KLHL26: variants seen among roughly 807,000 people sequenced by gnomAD.
KLHL26 encodes the protein kelch like family member 26.
KLHL26 carries 4 observed loss-of-function variants against 7.1 expected under a neutral mutation model. The observed-to-expected ratio is 0.56, with a 90% confidence interval of 0.28 to 1.28. The LOEUF is 1.28. Ranked by LOEUF, KLHL26 falls within the 50% of genes most tolerant of loss-of-function variation. The pLI is 0.11. For synonymous variants in KLHL26, 465 were observed against 414.1 expected (o/e 1.12, Z -1.49); for missense variants, 896 against 924.6 (o/e 0.97, Z 0.40).
Position 18,664,434 on chromosome 19 carries a change from A to G in KLHL26, c.257A>G (p.Asp86Gly). The G allele has an allele frequency of 6.3e-7, 1 of 1,583,746 alleles. No individual in the cohort carries two copies. Among genetic ancestry groups the G allele is most frequent in the South Asian group, 1.1e-5 (1 of 88,498 alleles). ...AHKVVLAACSDYFRAMFTGGM... is the reference protein window; with the variant it reads ...AHKVVLAACSGYFRAMFTGGM... ...AAGGTCGTCCTGGCTGCCTGCAGCG[A>G]CTACTTCAGGTAAGTGCTGGCCCCA... The change falls in exon 2 of 3, where the codon GAC becomes GGC. Residue 86 changes from aspartate (D) to glycine (G), a missense_variant. Coordinates refer to ENST00000300976, the MANE Select transcript of KLHL26 (RefSeq NM_018316.3).
rs561744002 is a variant in KLHL26, at chr19:18,651,231, C to T, written c.84-13030C>T. On this transcript the variant is annotated intron_variant, in intron 1 of 2. Transcript: ENST00000300976. ...CCCACCTGGTAGAAAGGGGACCTCACCTTGCCACTCCACTAGCCTGCCAAC... is the reference window on the plus strand; with the variant it reads ...CCCACCTGGTAGAAAGGGGACCTCATCTTGCCACTCCACTAGCCTGCCAAC... Among the ~76,000 whole-genome samples, 5 of 152,296 alleles carry T rather than the reference C, an allele frequency of 3.3e-5. No individual in the cohort carries two copies. In the South Asian group the frequency reaches 1.0e-3, roughly 32 times the overall value.
chr19:18,647,951 A>G (rs1462570084), intron 1 of KLHL26, among the ~76,000 whole-genome samples: 5 of 152,152 alleles, frequency 3.3e-5, no homozygotes, highest in African/African-American at 1.2e-4. Flanking sequence ...GACCCTGCCC[A>G]TGGGGCGCAT....
In KLHL26 at chr19:18,639,403, G is replaced by GTTTTTTT. The variant is rs34034254; in HGVS notation, c.83+2286_83+2292dup. On this transcript the variant is annotated intron_variant, in intron 1 of 2. Coordinates refer to ENST00000300976, the MANE Select transcript of KLHL26 (RefSeq NM_018316.3). ...TTCACTCATTTTAATTTATCATTAA[G>GTTTTTTT]TTTTTTTTTTTTTTTTTTTTTTTTT... Among the ~76,000 whole-genome samples, 384 of 71,228 alleles carry GTTTTTTT rather than the reference G, an allele frequency of 5.4e-3. 22 individuals carry two copies. The highest frequency in any genetic ancestry group is 8.8e-3 in the Non-Finnish European group (335 of 38,166). The allele number at this position is 71,228 out of a possible 152,430, so 46.7% of individuals were successfully genotyped here. A position where few individuals can be genotyped will look rare whatever the true frequency, so the allele number is the denominator to read the frequency against.
In KLHL26 at chr19:18,656,662, C is replaced by G. The variant is rs903657233; in HGVS notation, c.84-7599C>G. On this transcript the variant is annotated intron_variant, in intron 1 of 2. Transcript: ENST00000300976. This position sits in a 1 kb window ranked among gnomAD's most constrained non-coding sequence, Gnocchi z 4.4. ...CAGGACGCTGTGTGAGTTGGGCCAACAGGCGCAACTCACGGCGAGCCCTGT... is the reference window on the plus strand; with the variant it reads ...CAGGACGCTGTGTGAGTTGGGCCAAGAGGCGCAACTCACGGCGAGCCCTGT... Among the ~76,000 whole-genome samples, 31 of 147,092 alleles carry G rather than the reference C, an allele frequency of 2.1e-4. No homozygotes were observed. The highest frequency in any genetic ancestry group is 7.0e-4 in the African/African-American group (28 of 39,884).
At chr19:18,663,172 C>T (rs68074367) in intron 1 of KLHL26, among the ~76,000 whole-genome samples, 18,622 of 152,234 alleles carry the variant, frequency 0.12, 1,241 homozygotes, top group Non-Finnish European at 0.14. Flanking sequence ...TGTCCCCACC[C>T]TCTAGGACAT....
Position 18,668,570 on chromosome 19 carries a change from T to C in KLHL26, c.1173T>C (p.Asn391=), listed in dbSNP as rs552310811. The C allele has an allele frequency of 6.3e-7, 1 of 1,592,502 alleles. No individual in the cohort carries two copies. Among genetic ancestry groups the C allele is most frequent in the African/African-American group, 1.3e-5 (1 of 74,840 alleles). The change falls in exon 3 of 3, where the codon AAT becomes AAC. Residue 391 remains asparagine (N), a synonymous_variant. Coordinates refer to ENST00000300976, the MANE Select transcript of KLHL26 (RefSeq NM_018316.3). ...GCTACCGCTACGACCCCCACCTGAATCGCTGGCTGCGCCTGCAGGCCATGC... is the reference window on the plus strand; with the variant it reads ...GCTACCGCTACGACCCCCACCTGAACCGCTGGCTGCGCCTGCAGGCCATGC... The part of the protein sequence containing the change: ...DACYRYDPHL[N]RWLRLQAMQE...
rs1159390750 is a variant in KLHL26 at position 18,668,921 on chromosome 19, C to T, written c.1524C>T (p.Gly508=). Residue 508 remains glycine, a synonymous_variant, in exon 3 of 3, where the codon GGC becomes GGT. Transcript: ENST00000300976. The part of the protein sequence containing the change: ...RVLHAMVGAG[G]RIYALGGRMD... The stretch of plus-strand genomic sequence containing the variant: ...TACACGCCATGGTGGGTGCCGGCGG[C>T]CGCATCTATGCCCTCGGGGGCCGCA... The T allele has an allele frequency of 6.2e-7, 1 of 1,607,070 alleles. No homozygotes were observed. The highest frequency in any genetic ancestry group is 1.7e-5 in the Admixed American group (1 of 59,980).
intron 1 of KLHL26, among the ~76,000 whole-genome samples, chr19:18,641,924 C>T (rs1298673031): frequency 2.0e-5 from 3 of 152,180 alleles, no homozygotes; most frequent in Non-Finnish European, 4.4e-5. Context: ...CCATGCCCGG[C>T]CCTCTTTCTT....
intron 2 of KLHL26, chr19:18,667,342 G>A (rs745885820): frequency 1.2e-5 from 5 of 429,508 alleles, no homozygotes; most frequent in South Asian, 6.6e-5. Flanking sequence ...GCCTTTGCAT[G>A]TTTTTGTTTG....
Position 18,663,170 on chromosome 19 carries a change from C to T in KLHL26, c.84-1091C>T, listed in dbSNP as rs576772744. On this transcript the variant is annotated intron_variant, in intron 1 of 2. Coordinates refer to ENST00000300976, the MANE Select transcript of KLHL26 (RefSeq NM_018316.3). ...CTGGGTCCTTCGTGCTATGTCCCCA[C>T]CCTCTAGGACATGCAGTGCCTCGCA... Among the ~76,000 whole-genome samples, 9 of 152,350 alleles carry T rather than the reference C, an allele frequency of 5.9e-5. No individual in the cohort carries two copies. The South Asian group carries it at 1.9e-3, about 32-fold the overall frequency.
In KLHL26 at chr19:18,669,299, T is replaced by G. The variant is rs751760670; in HGVS notation, c.*54T>G. On this transcript the variant is annotated 3_prime_UTR_variant, in exon 3 of 3. Transcript: ENST00000300976. ...ACCGCATGTTGTCTCCAAGTGGGGC[T>G]TGGCGAATGCACGTCTGCCTGAGAA... The G allele has an allele frequency of 2.1e-6, 3 of 1,436,574 alleles. No homozygotes were observed. The allele number at this position is 1,436,574 out of a possible 1,614,324, so 89.0% of individuals were successfully genotyped here.
At chr19:18,663,887 G>T (rs1457104465) in intron 1 of KLHL26, among the ~76,000 whole-genome samples, 1 of 152,074 alleles carries the variant, frequency 6.6e-6, no homozygotes, top group South Asian at 2.1e-4. Context: ...GAAGGCTCCC[G>T]TGTGTCCTTT....
rs1053734830 is a variant in KLHL26, at chr19:18,670,304, A to T, written c.*1059A>T. ...CTTTTTGATTGGTTTTACTGTTTTT[A>T]AGAAGCCAGCACTGCTGTCTCATAG... On this transcript the variant is annotated 3_prime_UTR_variant, in exon 3 of 3. Transcript: ENST00000300976. The T allele has an allele frequency of 6.6e-6, 1 of 152,130 alleles. No individual in the cohort carries two copies. Among genetic ancestry groups the T allele is most frequent in the Non-Finnish European group, 1.5e-5 (1 of 68,032 alleles). The allele number at this position is 152,130 out of a possible 1,614,324, so 9.4% of individuals were successfully genotyped here.
At position 18,656,687 on chromosome 19, in the gene KLHL26, TC is replaced by T. The variant is rs1156887274; in HGVS notation, c.84-7573del. On this transcript the variant is annotated intron_variant, in intron 1 of 2. Coordinates refer to ENST00000300976, the MANE Select transcript of KLHL26 (RefSeq NM_018316.3). This position sits in a 1 kb window ranked among gnomAD's most constrained non-coding sequence, Gnocchi z 4.4. ...CAGGCGCAACTCACGGCGAGCCCTG[TC>T]TGCCTCAGTAGCGCGGGGCTCTTGG... Among the ~76,000 whole-genome samples, 1 of 130,954 alleles carries T rather than the reference TC, an allele frequency of 7.6e-6. No homozygotes were observed. The highest frequency in any genetic ancestry group is 1.6e-5 in the Non-Finnish European group (1 of 63,468). The allele number at this position is 130,954 out of a possible 152,430, so 85.9% of individuals were successfully genotyped here.
At chr19:18,651,574 G>T (rs79232033) in intron 1 of KLHL26, among the ~76,000 whole-genome samples, 1 of 152,224 alleles carries the variant, frequency 6.6e-6, no homozygotes, top group African/African-American at 2.4e-5. Flanking sequence ...GCTGAAATTT[G>T]TGTTGTCTTT....
intron 1 of KLHL26, among the ~76,000 whole-genome samples, chr19:18,645,094 C>T (rs978792158): frequency 6.6e-6 from 1 of 152,164 alleles, no homozygotes; most frequent in Admixed American, 6.5e-5. Context: ...AGCCGAACCT[C>T]AGGGATGGAC....
In KLHL26 at chr19:18,637,114, C is replaced by A. The variant is rs1172421823; in HGVS notation, c.60C>A (p.Gly20=). ...GAGGGGAFGA[G]PGPERPNSTA... ...GTGGCGGCGGCGCTTTCGGCGCGGG[C>A]CCGGGCCCCGAGCGCCCGAACAGGT... Residue 20 remains glycine (G), a synonymous_variant, in exon 1 of 3, where the codon GGC becomes GGA. Transcript: ENST00000300976. The A allele has an allele frequency of 1.0e-5, 14 of 1,362,008 alleles. No homozygotes were observed. Among genetic ancestry groups the A allele is most frequent in the Non-Finnish European group, 9.4e-7 (1 of 1,058,378 alleles). The allele number at this position is 1,362,008 out of a possible 1,614,324, so 84.4% of individuals were successfully genotyped here.
chr19:18,662,463 T>A (rs1319192772), intron 1 of KLHL26, among the ~76,000 whole-genome samples: 1 of 152,204 alleles, frequency 6.6e-6, no homozygotes, highest in Non-Finnish European at 1.5e-5. Flanking sequence ...CGGGGCCTAC[T>A]TCGTCTCATT....
intron 1 of KLHL26, among the ~76,000 whole-genome samples, chr19:18,651,303 C>T (rs2052252996): frequency 6.6e-6 from 1 of 152,046 alleles, no homozygotes; most frequent in African/African-American, 2.4e-5. Context: ...AGTAAAAATC[C>T]CAGGGAAGGC....
Sources: allele counts gnomAD v4.1 joint callset (sites outside exome capture counted in the v4.1 genomes callset), GRCh38; gene constraint gnomAD v4.1.1; non-coding constraint Gnocchi (gnomAD v3.1); transcripts MANE v1.5; gene names NCBI Gene and HGNC (gene_info 2026-07-23, HGNC 2026-07-21).